DDX4: variants seen among roughly 807,000 people sequenced by gnomAD.
DDX4 encodes the protein DEAD-box helicase 4.
A neutral mutation model predicts 100.0 loss-of-function variants in DDX4; 25 were observed. The observed-to-expected ratio is 0.25, with a 90% CI of 0.18 to 0.35. DDX4 has a LOEUF of 0.35. DDX4 is among the 10% of genes least tolerant of loss of function. The pLI is 1.00. For missense variants in DDX4, 635 were observed against 882.4 expected, an observed-to-expected ratio of 0.72 and a Z score of 3.55; for synonymous variants, 259 against 275.7, an observed-to-expected ratio of 0.94 and a Z score of 0.60.
chr5:55,780,687 A>G (rs1182132231), intron 8 of DDX4, among the ~76,000 whole-genome samples: 1 of 152,210 alleles, frequency 6.6e-6, no homozygotes, highest in East Asian at 1.9e-4. Flanking sequence ...ATTTTGAAGA[A>G]TAAGTAGTGA....
chr5:55,760,759 C>T (rs1320627462), intron 4 of DDX4, among the ~76,000 whole-genome samples: 2 of 152,134 alleles, frequency 1.3e-5, no homozygotes, highest in African/African-American at 4.8e-5. Flanking sequence ...TTAGAACAAC[C>T]ACCTGATATG....
chr5:55,758,869 A>G (rs892841706), intron 3 of DDX4, among the ~76,000 whole-genome samples: 97 of 2,704 alleles, frequency 0.036, no homozygotes, highest in African/African-American at 0.052. Context: ...TTGTTTCCTT[A>G]AAAAAAAAAA....
intron 18 of DDX4, among the ~76,000 whole-genome samples, chr5:55,811,022 CTT>C (rs5867999): frequency 7.1e-5 from 10 of 140,694 alleles, no homozygotes; most frequent in Admixed American, 3.5e-4. Context: ...CTTCTTTAGT[CTT>C]TTTTTTTTTT....
At chr5:55,779,680 G>A (rs1741790541) in intron 7 of DDX4, among the ~76,000 whole-genome samples, 1 of 152,118 alleles carries the variant, frequency 6.6e-6, no homozygotes, top group Admixed American at 6.6e-5. Flanking sequence ...CAGTTTTGGT[G>A]ACTTTTAGTG....
In DDX4 at chr5:55,786,971, CAGAG is replaced by C. The variant is rs376902282; in HGVS notation, c.1017+304_1017+307del. Among the ~76,000 whole-genome samples the C allele has an allele frequency of 1.1e-4, 16 of 152,262 alleles. No individual in the cohort carries two copies. In the East Asian group the frequency reaches 2.5e-3, roughly 24 times the overall value. ...GAAAGTCAAAGCAGAGCTTATAAAA[CAGAG>C]AGGGAGAAAGTAATTTCTGTATTAT... On this transcript the variant is annotated intron_variant, in intron 14 of 21. Transcript: ENST00000505374.
At chr5:55,804,295 T>C (rs1290916899) in intron 18 of DDX4, among the ~76,000 whole-genome samples, 8 of 150,264 alleles carry the variant, frequency 5.3e-5, no homozygotes, top group African/African-American at 1.7e-4. Context: ...TGATGGTAGT[T>C]TCTTTTGCTG....
At chr5:55,807,665 A>G (rs981888865) in intron 18 of DDX4, among the ~76,000 whole-genome samples, 10 of 152,150 alleles carry the variant, frequency 6.6e-5, no homozygotes, top group African/African-American at 1.2e-4. Flanking sequence ...CTCTCTTCTG[A>G]CTTGTAGAGT....
At chr5:55,804,885 T>A (rs1055029084) in intron 18 of DDX4, among the ~76,000 whole-genome samples, 4 of 152,124 alleles carry the variant, frequency 2.6e-5, no homozygotes, top group African/African-American at 9.7e-5. Flanking sequence ...TTGATGGGGA[T>A]GGCATTGAAT....
chr5:55,763,377 C>A, intron 5 of DDX4, 125 bp downstream of exon 5: 1 of 653,222 alleles, frequency 1.5e-6, no homozygotes, highest in Non-Finnish European at 2.7e-6. Context: ...TCTGTGAGTG[C>A]CTTTGCACTA....
Position 55,781,090 on chromosome 5 carries a change from G to A in DDX4, c.521G>A (p.Cys174Tyr), listed in dbSNP as rs144989869. ...GATAATGACTTAGACCCAGACGAAT[G>A]TATGCAGCGCACTGGTGGCCTTTTT... ...SPNNDLDPDE[C>Y]MQRTGGLFGS... is the part of the protein sequence containing the mutation. The change falls in exon 9 of 22, where the codon TGT (cysteine) becomes TAT (tyrosine). Residue 174 changes from cysteine (C) to tyrosine (Y), a missense_variant. Coordinates refer to ENST00000505374, the MANE Select transcript of DDX4 (RefSeq NM_024415.3). 6.8e-6 allele frequency: 11 copies of A among 1,611,560 alleles called. No homozygotes were observed. The African/African-American group carries it at 1.5e-4, about 22-fold the overall frequency.
Position 55,787,870 on chromosome 5 carries a change from G to A in DDX4, c.1042G>A (p.Ala348Thr). Residue 348 changes from alanine to threonine, a missense_variant, in exon 15 of 22, where the codon GCT becomes ACT. By Grantham distance (58) the Ala-to-Thr change is moderately conservative. Coordinates refer to ENST00000505374, the MANE Select transcript of DDX4 (RefSeq NM_024415.3). ...GGCGGCTTTTCTCCTACCAATTTTG[G>A]CTCATATGATGCATGATGGAATAAC... Reference protein sequence around the residue: ...KTAAFLLPILAHMMHDGITAS... With the variant: ...KTAAFLLPILTHMMHDGITAS... 6.2e-7 allele frequency: 1 copy of A among 1,613,308 alleles called. No individual in the cohort carries two copies. Among genetic ancestry groups the A allele is most frequent in the Non-Finnish European group, 8.5e-7 (1 of 1,179,824 alleles).
At chr5:55,779,884 C>A (rs575419591) in intron 7 of DDX4, 80 bp from the exon 8 acceptor site, 132 of 1,524,838 alleles carry the variant, frequency 8.7e-5, no homozygotes, top group Middle Eastern at 8.7e-4. Flanking sequence ...TTATTCAAGG[C>A]TTAAATTAAA....
At chr5:55,758,359 A>G (rs1760074498) in intron 3 of DDX4, among the ~76,000 whole-genome samples, 1 of 152,118 alleles carries the variant, frequency 6.6e-6, no homozygotes, top group South Asian at 2.1e-4. Flanking sequence ...TGTATCTATG[A>G]GTAAGGTTTA....
rs1052031701 is a variant in DDX4 at position 55,798,288 on chromosome 5, A to G, written c.1470-138A>G. ...TCTTTCACAATAGTACTTGGGTGAT[A>G]TAAGTAACCAACCATCTTATAGCTG... On this transcript the variant is annotated intron_variant, in intron 17 of 21. Coordinates refer to ENST00000505374, the MANE Select transcript of DDX4 (RefSeq NM_024415.3). The G allele has an allele frequency of 2.3e-5, 20 of 876,986 alleles. No individual in the cohort carries two copies. In the South Asian group the frequency reaches 5.4e-4, roughly 24 times the overall value. 54.3% of individuals were successfully genotyped at this position (876,986 alleles called of 1,614,324 possible).
intron 2 of DDX4, among the ~76,000 whole-genome samples, chr5:55,745,668 C>T (rs1759211604): frequency 6.6e-6 from 1 of 152,196 alleles, no homozygotes; most frequent in Admixed American, 6.5e-5. Flanking sequence ...AGTGATCCTC[C>T]TGCCTCAGCC....
In DDX4 at chr5:55,761,356, A is replaced by G. The variant is rs368030157; in HGVS notation, c.205+1079A>G. Among the ~76,000 whole-genome samples, 21 of 152,226 alleles carry G rather than the reference A, an allele frequency of 1.4e-4. No homozygotes were observed. In the East Asian group the frequency reaches 1.7e-3, roughly 13 times the overall value. Reference sequence around the variant, plus strand: ...TTAAAATTATATTTTAGTAGAGGTTATGTGATATTTTGATACAGGCTTCTA... The same window carrying G: ...TTAAAATTATATTTTAGTAGAGGTTGTGTGATATTTTGATACAGGCTTCTA... On this transcript the variant is annotated intron_variant, in intron 4 of 21. Coordinates refer to ENST00000505374, the MANE Select transcript of DDX4 (RefSeq NM_024415.3).
chr5:55,815,569 T>G (rs1272719107), intron 21 of DDX4, 146 bp downstream of exon 21: 2 of 1,198,338 alleles, frequency 1.7e-6, no homozygotes, highest in Non-Finnish European at 2.2e-6. Flanking sequence ...TTCATTAACA[T>G]TTTATGTATA....
intron 3 of DDX4, 117 bp from the exon 4 acceptor site, chr5:55,760,083 C>CT: frequency 9.8e-7 from 1 of 1,018,710 alleles, no homozygotes; most frequent in Non-Finnish European, 1.4e-6. Context: ...TGTTTGTCAC[C>CT]TTTTTTACTG....
At position 55,790,632 on chromosome 5, in the gene DDX4, G is replaced by A. The variant is rs1180971214; in HGVS notation, c.1229G>A (p.Arg410Gln). The A allele has an allele frequency of 8.7e-6, 14 of 1,606,668 alleles. No homozygotes were observed. Among genetic ancestry groups the A allele is most frequent in the Admixed American group, 8.3e-5 (5 of 59,988 alleles). The change falls in exon 16 of 22, where the codon CGA (arginine) becomes CAA (glutamine). Residue 410 changes from arginine (R) to glutamine (Q), a missense_variant. This residue lies in a region of DDX4 where 446 missense variants were observed against 540.8 expected (regional missense o/e 0.82). Transcript: ENST00000505374. ...YGGTQLGHSI[R>Q]QIVQGCNILC... ...GGAACCCAGCTGGGACATTCAATTC[G>A]ACAAATAGTACAAGGCTGTAATATA...
Sources: allele counts gnomAD v4.1 joint callset (sites outside exome capture counted in the v4.1 genomes callset), GRCh38; gene constraint gnomAD v4.1.1; regional missense constraint gnomAD v4.1.1; transcripts MANE v1.5; gene names NCBI Gene and HGNC (gene_info 2026-07-23, HGNC 2026-07-21).